Variants in NRG1 observed in about 807,000 individuals in gnomAD.
NRG1 encodes the protein neuregulin 1, also known as pro-neuregulin-1, membrane-bound isoform.
Under a neutral mutation model 63.8 loss-of-function variants are expected in NRG1, and 18 were observed. The ratio of observed to expected loss-of-function variants is 0.28; its 90% confidence interval spans 0.19 to 0.42. The LOEUF is 0.42. Ranked by LOEUF, NRG1 falls within the 10% of genes least tolerant of loss-of-function variation. The pLI, the probability that NRG1 is intolerant of heterozygous loss-of-function variation, is 1.00. For missense variants in NRG1, 762 were observed against 814.7 expected, an observed-to-expected ratio of 0.94 and a Z score of 0.79; for synonymous variants, 302 against 301.3, an observed-to-expected ratio of 1.00 and a Z score of -0.02.
chr8:32,551,148 C>A (rs1834024809), intron 1 of NRG1, among the ~76,000 whole-genome samples: 1 of 152,100 alleles, frequency 6.6e-6, no homozygotes, highest in African/African-American at 2.4e-5. Context: ...GAATTCATAC[C>A]TGATGACTAT....
chr8:31,797,274 A>G (rs1353387773), intron 1 of NRG1, among the ~76,000 whole-genome samples: 4 of 152,246 alleles, frequency 2.6e-5, no homozygotes, highest in Non-Finnish European at 5.9e-5. Flanking sequence ...TCCTAGAGAT[A>G]CTTACTCTAC....
intron 1 of NRG1, among the ~76,000 whole-genome samples, chr8:32,474,461 TGGTTCTGCCTTGGACTGC>T (rs2129491305): frequency 7.2e-6 from 1 of 138,802 alleles, no homozygotes; most frequent in African/African-American, 2.7e-5. Context: ...ACCCTACCTC[TGGTTCTGCCTTGGACTGC>T]TCTCAGTGAT....
At chr8:32,014,414 T>C (rs920760614) in intron 1 of NRG1, among the ~76,000 whole-genome samples, 3 of 152,170 alleles carry the variant, frequency 2.0e-5, no homozygotes, top group African/African-American at 7.2e-5. Flanking sequence ...ATCCTGAGAC[T>C]TTGCTGAAGC....
intron 1 of NRG1, among the ~76,000 whole-genome samples, chr8:32,202,836 T>C (rs1195795419): frequency 1.3e-5 from 2 of 150,742 alleles, no homozygotes; most frequent in Admixed American, 6.6e-5. Flanking sequence ...AGCCTGGATA[T>C]TGGGGTTTAT....
intron 1 of NRG1, among the ~76,000 whole-genome samples, chr8:32,080,643 G>A (rs1212658070): frequency 1.3e-5 from 2 of 152,084 alleles, no homozygotes; most frequent in Non-Finnish European, 2.9e-5. Context: ...ACCAACTGTA[G>A]CGGCAAAGTT....
At chr8:32,178,384 C>G (rs1055676215) in intron 1 of NRG1, among the ~76,000 whole-genome samples, 1 of 152,044 alleles carries the variant, frequency 6.6e-6, no homozygotes, top group African/African-American at 2.4e-5. Flanking sequence ...CTGAGGCAGG[C>G]AGATCACTTG....
chr8:32,745,576 G>A (rs1384239687), intron 7 of NRG1, among the ~76,000 whole-genome samples: 1 of 152,006 alleles, frequency 6.6e-6, no homozygotes, highest in Non-Finnish European at 1.5e-5. Flanking sequence ...TACTTTCTAG[G>A]AAAATATTGT....
intron 1 of NRG1, among the ~76,000 whole-genome samples, chr8:31,682,363 CT>C (rs1477477849): frequency 1.3e-5 from 2 of 152,196 alleles, no homozygotes; most frequent in Non-Finnish European, 2.9e-5. Context: ...CCATTCCAAT[CT>C]GTAGAATCAT....
intron 1 of NRG1, among the ~76,000 whole-genome samples, chr8:32,083,666 A>G (rs1827817952): frequency 6.6e-6 from 1 of 151,612 alleles, no homozygotes; most frequent in Non-Finnish European, 1.5e-5. Context: ...ATGGTTGGAA[A>G]TAGTCTGGGT....
chr8:31,890,870 T>G lies in NRG1; in HGVS notation c.37+251439T>G, dbSNP rs560606346. On this transcript the variant is annotated intron_variant, in intron 1 of 10. Transcript: ENST00000519301. ...ACAGGAAACTCAGAAATAGACACGTTAATATGCTCAAGTGATTTTTGACAG... is the reference window on the plus strand; with the variant it reads ...ACAGGAAACTCAGAAATAGACACGTGAATATGCTCAAGTGATTTTTGACAG... 2.0e-5 allele frequency among the ~76,000 whole-genome samples: 3 copies of G among 152,312 alleles called. No homozygotes were observed. The East Asian group carries it at 5.8e-4, about 29-fold the overall frequency.
chr8:32,458,478 A>G (rs1482460453), intron 1 of NRG1, among the ~76,000 whole-genome samples: 1 of 152,186 alleles, frequency 6.6e-6, no homozygotes, highest in East Asian at 1.9e-4. Flanking sequence ...ATTGTTTCAC[A>G]TTTCCAAAGG....
At chr8:32,093,564 C>A (rs755499569) in intron 1 of NRG1, among the ~76,000 whole-genome samples, 1 of 152,144 alleles carries the variant, frequency 6.6e-6, no homozygotes, top group Non-Finnish European at 1.5e-5. Flanking sequence ...TATATAGGAA[C>A]CGACAGACTG....
intron 1 of NRG1, among the ~76,000 whole-genome samples, chr8:31,852,608 G>A (rs1416259570): frequency 6.6e-6 from 1 of 150,888 alleles, no homozygotes; most frequent in African/African-American, 2.4e-5. Context: ...AAGCTCTTTA[G>A]TTTAATTAGA....
At chr8:32,412,425 T>TATATATATATATATATATATATATAC (rs1815139949) in intron 1 of NRG1, among the ~76,000 whole-genome samples, 1 of 43,058 alleles carries the variant, frequency 2.3e-5, no homozygotes, top group African/African-American at 8.3e-5. Flanking sequence ...TCTCTCTACA[T>TATATATATATATATATATATATATAC]ATATATATAT....
At chr8:32,356,482 C>CCCG (rs1554517234) in intron 1 of NRG1, among the ~76,000 whole-genome samples, 9 of 131,672 alleles carry the variant, frequency 6.8e-5, no homozygotes, top group Non-Finnish European at 1.1e-4. Flanking sequence ...GGACCCCCCC[C>CCCG]CCACCCGCCG....
intron 1 of NRG1, among the ~76,000 whole-genome samples, chr8:31,920,598 A>G (rs571041727): frequency 1.3e-5 from 2 of 152,110 alleles, no homozygotes; most frequent in Non-Finnish European, 2.9e-5. Flanking sequence ...GCCTTATGTT[A>G]TCATGGCTAT....
At chr8:31,973,671 A>G (rs1807675401) in intron 1 of NRG1, among the ~76,000 whole-genome samples, 1 of 152,246 alleles carries the variant, frequency 6.6e-6, no homozygotes, top group Middle Eastern at 3.2e-3. Context: ...CTTACAATTT[A>G]ATGTGAAAAC....
At chr8:32,018,113 C>T (rs80110468) in intron 1 of NRG1, among the ~76,000 whole-genome samples, 2,497 of 152,224 alleles carry the variant, frequency 0.016, 43 homozygotes, top group Middle Eastern at 0.054. Flanking sequence ...TGTCAAAGAC[C>T]AGATACATGT....
At chr8:32,659,033 T>C (rs1802178505) in intron 5 of NRG1, among the ~76,000 whole-genome samples, 1 of 152,202 alleles carries the variant, frequency 6.6e-6, no homozygotes, top group South Asian at 2.1e-4. Context: ...GGTCCTTGGA[T>C]TTATAGCGCA....
Sources: allele counts gnomAD v4.1 joint callset (sites outside exome capture counted in the v4.1 genomes callset), GRCh38; gene constraint gnomAD v4.1.1; transcripts MANE v1.5; gene names NCBI Gene and HGNC (gene_info 2026-07-23, HGNC 2026-07-21).